The following TMEM200A variants were observed in gnomAD, a reference collection of about 807,000 sequenced individuals.
The protein encoded by TMEM200A is transmembrane protein 200A.
TMEM200A carries 12 observed loss-of-function variants against 24.3 expected under a neutral mutation model. The ratio of observed to expected loss-of-function variants is 0.49; its 90% CI spans 0.32 to 0.80. The LOEUF is 0.80. Among genes scored for constraint, TMEM200A ranks in the 30% least tolerant of loss-of-function variants. TMEM200A has a pLI of 0.04. For synonymous variants in TMEM200A, 224 were observed against 224.4 expected (o/e 1.00, Z 0.02); for missense variants, 545 against 614.4 (o/e 0.89, Z 1.19).
At chr6:130,435,132 A>G (rs1779970828) in intron 2 of TMEM200A, among the ~76,000 whole-genome samples, 1 of 151,548 alleles carries the variant, frequency 6.6e-6, no homozygotes, top group Admixed American at 6.6e-5. Flanking sequence ...GTCTGCAGGT[A>G]TATACATATT....
chr6:130,431,760 G>T (rs1376910331), intron 2 of TMEM200A, among the ~76,000 whole-genome samples: 2 of 152,010 alleles, frequency 1.3e-5, no homozygotes, highest in Non-Finnish European at 2.9e-5. Context: ...GCTCATAATT[G>T]GTGTGGGCCC....
intron 2 of TMEM200A, among the ~76,000 whole-genome samples, chr6:130,397,672 A>G (rs1184690203): frequency 4.6e-5 from 7 of 151,580 alleles, no homozygotes; most frequent in Admixed American, 4.6e-4. Flanking sequence ...TGGTAAATTT[A>G]GTATGTGTGG....
chr6:130,441,712 T>C lies in TMEM200A; in HGVS notation c.1290T>C (p.Tyr430=), dbSNP rs758931843. The change falls in exon 3 of 3, where the codon TAT becomes TAC. Residue 430 remains tyrosine (Y), a synonymous_variant. Transcript: ENST00000296978. The part of the protein sequence containing the change: ...PRLDRNNSKG[Y]MKLENKEDPM... ...TGGATCGGAACAACAGCAAGGGATA[T>C]ATGAAACTAGAGAACAAAGAAGACC... The C allele has an allele frequency of 6.2e-7, 1 of 1,614,068 alleles. No homozygotes were observed. The highest frequency in any genetic ancestry group is 8.5e-7 in the Non-Finnish European group (1 of 1,179,994).
chr6:130,367,069 C>A (rs1778185718), intron 1 of TMEM200A, among the ~76,000 whole-genome samples: 1 of 152,248 alleles, frequency 6.6e-6, no homozygotes, highest in African/African-American at 2.4e-5. Context: ...GCCAACACTT[C>A]ACATTGTGTA....
intron 1 of TMEM200A, among the ~76,000 whole-genome samples, chr6:130,373,860 A>G (rs926222480): frequency 4.6e-5 from 7 of 152,212 alleles, no homozygotes; most frequent in Non-Finnish European, 8.8e-5. Flanking sequence ...TACCCTTCAC[A>G]TGCTCTCACT....
intron 2 of TMEM200A, among the ~76,000 whole-genome samples, chr6:130,389,931 T>A (rs1015998052): frequency 2.6e-5 from 4 of 152,198 alleles, no homozygotes; most frequent in Non-Finnish European, 4.4e-5. Context: ...ATGAGAACAA[T>A]TAGCCGGGTA....
At chr6:130,410,697 A>G (rs1463744992) in intron 2 of TMEM200A, among the ~76,000 whole-genome samples, 2 of 152,246 alleles carry the variant, frequency 1.3e-5, no homozygotes, top group Admixed American at 1.3e-4. Context: ...TAGCACTTCA[A>G]AAGCCCAAGT....
intron 2 of TMEM200A, among the ~76,000 whole-genome samples, chr6:130,399,287 T>G (rs1167499948): frequency 2.6e-5 from 4 of 152,062 alleles, no homozygotes; most frequent in African/African-American, 9.7e-5. Flanking sequence ...CTTAGTATAT[T>G]TCTTCAACCT....
rs1020484700 is a variant in TMEM200A at position 130,366,130 on chromosome 6, T to C, written c.-475T>C. On this transcript the variant is annotated 5_prime_UTR_variant, in exon 1 of 3. Coordinates refer to ENST00000296978, the MANE Select transcript of TMEM200A (RefSeq NM_001258277.2). The surrounding 1 kb of genome is among the most constrained non-coding windows in gnomAD (Gnocchi z 4.4). ...ACTCCCTCTCCCCTGCCCGGCTTGC[T>C]GCGCCCGGTGCCCTCCGAGGGCAGG... 4.3e-5 allele frequency: 42 copies of C among 985,230 alleles called. No individual in the cohort carries two copies. Among genetic ancestry groups the C allele is most frequent in the Non-Finnish European group, 4.8e-5 (40 of 829,910 alleles). 61.0% of individuals were successfully genotyped at this position (985,230 alleles called of 1,614,324 possible).
At chr6:130,401,421 C>G (rs1218585547) in intron 2 of TMEM200A, among the ~76,000 whole-genome samples, 1 of 148,048 alleles carries the variant, frequency 6.8e-6, no homozygotes, top group African/African-American at 2.5e-5. Context: ...CTTTCTCTTT[C>G]TTTCTTTCTC....
chr6:130,425,711 T>G (rs988578924), intron 2 of TMEM200A, among the ~76,000 whole-genome samples: 4 of 152,174 alleles, frequency 2.6e-5, no homozygotes, highest in Admixed American at 1.3e-4. Context: ...CATATCCTCT[T>G]GGACCTTAGC....
chr6:130,412,349 G>A (rs1007164834), intron 2 of TMEM200A, among the ~76,000 whole-genome samples: 3 of 151,984 alleles, frequency 2.0e-5, no homozygotes, highest in Admixed American at 6.6e-5. Context: ...GCCCCACAGG[G>A]ACTCCTGCCT....
intron 1 of TMEM200A, among the ~76,000 whole-genome samples, chr6:130,376,388 G>A (rs1778456487): frequency 6.6e-6 from 1 of 152,020 alleles, no homozygotes; most frequent in Non-Finnish European, 1.5e-5. Context: ...CTTATGCTGG[G>A]ACTCCACAAG....
At chr6:130,418,088 C>CCA (rs1779500288) in intron 2 of TMEM200A, among the ~76,000 whole-genome samples, 1 of 152,140 alleles carries the variant, frequency 6.6e-6, no homozygotes, top group Admixed American at 6.6e-5. Context: ...AGCACACTAA[C>CCA]CACATTCACC....
At chr6:130,403,543 T>TATA (rs10653633) in intron 2 of TMEM200A, among the ~76,000 whole-genome samples, 51,377 of 151,784 alleles carry the variant, frequency 0.34, 12,386 homozygotes, top group African/African-American at 0.69. Flanking sequence ...ATGAAAAATT[T>TATA]ATATTTGATA....
rs1029078890 is a variant in TMEM200A at position 130,442,632 on chromosome 6, G to C, written c.*734G>C. The C allele has an allele frequency of 1.2e-5, 2 of 166,638 alleles. No individual in the cohort carries two copies. The highest frequency in any genetic ancestry group is 2.4e-5 in the African/African-American group (1 of 41,428). The allele number at this position is 166,638 out of a possible 1,614,324, so 10.3% of individuals were successfully genotyped here. A position where few individuals can be genotyped will look rare whatever the true frequency, so the allele number is the denominator to read the frequency against. On this transcript the variant is annotated 3_prime_UTR_variant, in exon 3 of 3. Transcript: ENST00000296978. ...TCAAAATTTATTTGCAAGCTGACTT[G>C]ATAAACTAAATGAACCAATAAAATT...
intron 2 of TMEM200A, among the ~76,000 whole-genome samples, chr6:130,411,092 C>G (rs925040418): frequency 6.6e-6 from 1 of 151,864 alleles, no homozygotes; most frequent in East Asian, 1.9e-4. Context: ...TTGCTTGAAC[C>G]TGGGAGGCAG....
rs146504005 is a variant in TMEM200A at position 130,391,176 on chromosome 6, G to A, written c.-17+5940G>A. On this transcript the variant is annotated intron_variant, in intron 2 of 2. Coordinates refer to ENST00000296978, the MANE Select transcript of TMEM200A (RefSeq NM_001258277.2). ...ATGTCTTTCTCTGGTGCCACAGCTC[G>A]GACACCCATAGAAGTGCAATAAATG... Among the ~76,000 whole-genome samples the A allele has an allele frequency of 4.4e-3, 669 of 152,204 alleles. 7 individuals carry two copies. The highest frequency in any genetic ancestry group is 0.015 in the African/African-American group (623 of 41,512).
Position 130,366,381 on chromosome 6 carries a change from C to G in TMEM200A, c.-224C>G, listed in dbSNP as rs1269293576. 3.1e-5 allele frequency: 31 copies of G among 985,398 alleles called. No homozygotes were observed. The highest frequency in any genetic ancestry group is 1.4e-4 in the South Asian group (3 of 21,290). The allele number at this position is 985,398 out of a possible 1,614,324, so 61.0% of individuals were successfully genotyped here. A position where few individuals can be genotyped will look rare whatever the true frequency, so the allele number is the denominator to read the frequency against. On this transcript the variant is annotated 5_prime_UTR_variant, in exon 1 of 3. Transcript: ENST00000296978. This position sits in a 1 kb window ranked among gnomAD's most constrained non-coding sequence, Gnocchi z 4.4. ...GGAGACCGCGGCTGCCCGCGGCGGC[C>G]GAGATTCCCGCTGACGCCCCCGACC...
Sources: allele counts gnomAD v4.1 joint callset (sites outside exome capture counted in the v4.1 genomes callset), GRCh38; gene constraint gnomAD v4.1.1; non-coding constraint Gnocchi (gnomAD v3.1); transcripts MANE v1.5; gene names NCBI Gene and HGNC (gene_info 2026-07-23, HGNC 2026-07-21).